GABRB1: variants seen among roughly 807,000 people sequenced by gnomAD.
The protein encoded by GABRB1 is gamma-aminobutyric acid type A receptor subunit beta1.
Under a neutral mutation model 51.6 loss-of-function variants are expected in GABRB1, and 17 were observed. That is an observed-to-expected ratio of 0.33 (90% CI 0.23 to 0.49). The LOEUF (loss-of-function observed/expected upper bound fraction) is 0.49, where lower values mean the gene tolerates loss of function less well. GABRB1 is among the 20% of genes least tolerant of loss of function. The pLI is 0.99. For missense variants in GABRB1, 410 were observed against 600.6 expected, an observed-to-expected ratio of 0.68 and a Z score of 3.32; for synonymous variants, 247 against 218.9, an observed-to-expected ratio of 1.13 and a Z score of -1.14.
chr4:47,104,506 T>TTCTC (rs3050703), intron 3 of GABRB1, among the ~76,000 whole-genome samples: 17 of 148,970 alleles, frequency 1.1e-4, no homozygotes, highest in South Asian at 2.1e-4. Flanking sequence ...TCCTGCTGTC[T>TTCTC]TCTCTCTCTC....
intron 4 of GABRB1, among the ~76,000 whole-genome samples, chr4:47,317,260 G>A (rs1010828561): frequency 2.0e-5 from 3 of 151,950 alleles, no homozygotes; most frequent in South Asian, 4.1e-4. Flanking sequence ...TGACTGAAAA[G>A]CATCAGCTAA....
chr4:47,411,301 A>G (rs978441821), intron 8 of GABRB1, among the ~76,000 whole-genome samples: 2 of 152,328 alleles, frequency 1.3e-5, no homozygotes, highest in Middle Eastern at 3.4e-3. Context: ...CACACTATGG[A>G]GTACTATTCC....
intron 3 of GABRB1, among the ~76,000 whole-genome samples, chr4:47,117,386 C>A (rs1715543281): frequency 6.6e-6 from 1 of 152,138 alleles, no homozygotes; most frequent in Non-Finnish European, 1.5e-5. Flanking sequence ...CCTTCTTCAG[C>A]CTTTCTAATT....
chr4:47,025,197 C>T (rs1345588009), intron 1 of GABRB1, among the ~76,000 whole-genome samples: 1 of 151,262 alleles, frequency 6.6e-6, no homozygotes, highest in Non-Finnish European at 1.5e-5. Flanking sequence ...AATTGTGCTT[C>T]TATAAACATG....
At chr4:47,086,237 C>T (rs563587759) in intron 3 of GABRB1, among the ~76,000 whole-genome samples, 197 of 152,178 alleles carry the variant, frequency 1.3e-3, no homozygotes, top group Non-Finnish European at 2.4e-3. Flanking sequence ...GCGGGTTCTT[C>T]GTTAAATATT....
chr4:47,413,985 AC>A (rs1473643155), intron 8 of GABRB1, among the ~76,000 whole-genome samples: 1 of 152,168 alleles, frequency 6.6e-6, no homozygotes, highest in Non-Finnish European at 1.5e-5. Context: ...TAAGTAAGCT[AC>A]CTCTGGGCCA....
chr4:47,234,569 T>TA (rs1217671059), intron 4 of GABRB1, among the ~76,000 whole-genome samples: 5 of 152,290 alleles, frequency 3.3e-5, no homozygotes, highest in Non-Finnish European at 7.4e-5. Flanking sequence ...GCTTCATTTT[T>TA]AAAAAATACC....
At chr4:47,348,871 G>A (rs1377508094) in intron 5 of GABRB1, among the ~76,000 whole-genome samples, 1 of 152,144 alleles carries the variant, frequency 6.6e-6, no homozygotes, top group Non-Finnish European at 1.5e-5. Context: ...GCTTGGACCA[G>A]GTGGAAATGG....
chr4:47,087,963 T>C (rs1478793384), intron 3 of GABRB1, among the ~76,000 whole-genome samples: 3 of 152,202 alleles, frequency 2.0e-5, no homozygotes, highest in African/African-American at 4.8e-5. Context: ...GAGACATAGT[T>C]CCTTTCTTGA....
intron 3 of GABRB1, among the ~76,000 whole-genome samples, chr4:47,131,029 A>T (rs1392574761): frequency 2.0e-5 from 3 of 152,224 alleles, no homozygotes; most frequent in Non-Finnish European, 4.4e-5. Context: ...ATCTCTAAAT[A>T]TAACACACTG....
intron 1 of GABRB1, among the ~76,000 whole-genome samples, chr4:46,999,064 A>G (rs1724100293): frequency 1.3e-5 from 2 of 152,158 alleles, no homozygotes; most frequent in African/African-American, 2.4e-5. Context: ...AGATGATACT[A>G]TTGTTAAGAA....
chr4:47,159,569 TTG>T (rs1717849350), intron 3 of GABRB1, among the ~76,000 whole-genome samples: 1 of 152,018 alleles, frequency 6.6e-6, no homozygotes. Context: ...AGAAAGGATA[TTG>T]TGTGACTAAC....
chr4:47,327,381 C>G (rs1276810032), intron 5 of GABRB1, among the ~76,000 whole-genome samples: 1 of 149,320 alleles, frequency 6.7e-6, no homozygotes, highest in African/African-American at 2.5e-5. Flanking sequence ...AAAAAAAAAA[C>G]TATTTCAAAA....
chr4:47,139,436 G>A (rs986285440), intron 3 of GABRB1, among the ~76,000 whole-genome samples: 2 of 151,984 alleles, frequency 1.3e-5, no homozygotes, highest in African/African-American at 2.4e-5. Flanking sequence ...CAAGGAAGCT[G>A]TATATTGATT....
chr4:47,046,144 T>C (rs974047160), intron 3 of GABRB1, among the ~76,000 whole-genome samples: 2 of 152,092 alleles, frequency 1.3e-5, no homozygotes, highest in African/African-American at 4.8e-5. Flanking sequence ...CCCTCTGCCA[T>C]GATTGTATGT....
At chr4:47,012,884 A>G (rs77081594) in intron 1 of GABRB1, among the ~76,000 whole-genome samples, 1 of 152,206 alleles carries the variant, frequency 6.6e-6, no homozygotes. Context: ...GTCACATGGT[A>G]ATTGGAACCT....
chr4:47,128,218 T>C (rs1463711109), intron 3 of GABRB1, among the ~76,000 whole-genome samples: 1 of 151,662 alleles, frequency 6.6e-6, no homozygotes, highest in Non-Finnish European at 1.5e-5. Context: ...ATCCTACAAA[T>C]CAAAATTATG....
At chr4:47,026,996 T>C (rs1246200093), upstream of GABRB1, among the ~76,000 whole-genome samples, 1 of 151,846 alleles carries the variant, frequency 6.6e-6, no homozygotes, top group Non-Finnish European at 1.5e-5. Flanking sequence ...CAGAACTAAT[T>C]ATATATCCCT....
At chr4:47,314,120 A>T (rs555987865) in intron 4 of GABRB1, among the ~76,000 whole-genome samples, 2 of 152,178 alleles carry the variant, frequency 1.3e-5, no homozygotes, top group South Asian at 4.1e-4. Context: ...GAGGAATAAA[A>T]GTAAATTGGC....
Sources: gnomAD v4.1 joint callset for allele counts (sites outside exome capture counted in the v4.1 genomes callset) on GRCh38, gnomAD v4.1.1 for gene constraint, MANE v1.5 for transcripts, NCBI Gene and HGNC (gene_info 2026-07-23, HGNC 2026-07-21) for gene names.